DGAT2: variants seen among roughly 807,000 people sequenced by gnomAD.
The protein encoded by DGAT2 is acyl-CoA retinol O-fatty-acyltransferase.
DGAT2 carries 33 observed loss-of-function variants against 48.4 expected under a neutral mutation model. The observed-to-expected ratio is 0.68, with a 90% CI of 0.52 to 0.91. The LOEUF is 0.91. DGAT2 is among the 40% of genes least tolerant of loss of function. The pLI, the probability that DGAT2 is intolerant of heterozygous loss-of-function variation, is 0.00. For missense variants in DGAT2, 446 were observed against 493.7 expected, an observed-to-expected ratio of 0.90 and a Z score of 0.92; for synonymous variants, 191 against 194.1, an observed-to-expected ratio of 0.98 and a Z score of 0.13.
chr11:75,789,324 A>AT (rs1484007290), intron 2 of DGAT2, among the ~76,000 whole-genome samples: 2 of 151,904 alleles, frequency 1.3e-5, no homozygotes, highest in Non-Finnish European at 2.9e-5. Context: ...AATTTTTTAA[A>AT]TTTTTTTGTA....
At chr11:75,772,704 C>T (rs972863021) in intron 1 of DGAT2, among the ~76,000 whole-genome samples, 7 of 152,206 alleles carry the variant, frequency 4.6e-5, no homozygotes, top group Non-Finnish European at 1.0e-4. Flanking sequence ...AGTCCCTTTG[C>T]CGGCCGCGTG....
At chr11:75,769,572 C>A (rs1190998363) in intron 1 of DGAT2, among the ~76,000 whole-genome samples, 1 of 152,132 alleles carries the variant, frequency 6.6e-6, no homozygotes, top group Non-Finnish European at 1.5e-5. Context: ...GCCCACATAG[C>A]AGCAACTCTT....
At chr11:75,784,795 C>G in intron 2 of DGAT2, 49 bp downstream of exon 2, 1 of 1,611,194 alleles carries the variant, frequency 6.2e-7, no homozygotes, top group Non-Finnish European at 8.5e-7. Context: ...GTGTCCACTT[C>G]CCCAAAAGAG....
intron 1 of DGAT2, among the ~76,000 whole-genome samples, chr11:75,774,354 G>T (rs939213239): frequency 6.6e-6 from 1 of 152,226 alleles, no homozygotes; most frequent in Non-Finnish European, 1.5e-5. Context: ...GAGCAAAAGT[G>T]TCATAAGAAC....
chr11:75,785,808 AC>A, intron 2 of DGAT2, among the ~76,000 whole-genome samples: 1 of 152,340 alleles, frequency 6.6e-6, no homozygotes, highest in East Asian at 1.9e-4. Flanking sequence ...TGAGACTGAG[AC>A]CATGTTTGCA....
intron 7 of DGAT2, among the ~76,000 whole-genome samples, chr11:75,800,085 C>T (rs747607191): frequency 6.6e-6 from 1 of 152,162 alleles, no homozygotes; most frequent in Non-Finnish European, 1.5e-5. Flanking sequence ...CTCTCATAGA[C>T]CCTCCTAGCA....
At chr11:75,785,712 G>A (rs1437476318) in intron 2 of DGAT2, among the ~76,000 whole-genome samples, 5 of 152,200 alleles carry the variant, frequency 3.3e-5, no homozygotes, top group Admixed American at 3.3e-4. Flanking sequence ...CCCACTCTTC[G>A]GGACTGTATA....
chr11:75,769,408 A>G (rs1309088185), intron 1 of DGAT2, among the ~76,000 whole-genome samples: 1 of 152,012 alleles, frequency 6.6e-6, no homozygotes, highest in Non-Finnish European at 1.5e-5. Context: ...TTCACCAGGT[A>G]GAGCGAGCTT....
chr11:75,790,283 A>G lies in DGAT2; in HGVS notation c.346A>G (p.Thr116Ala). 1 of 1,613,942 alleles carries G rather than the reference A, an allele frequency of 6.2e-7. No homozygotes were observed. Among genetic ancestry groups the G allele is most frequent in the South Asian group, 1.1e-5 (1 of 91,078 alleles). Residue 116 changes from threonine to alanine, a missense_variant, in exon 3 of 8, where the codon ACA becomes GCA. Transcript: ENST00000228027. ...YFTWLVFDWN[T>A]PKKGGRRSQW... The stretch of plus-strand genomic sequence containing the variant: ...CACTTGGCTGGTGTTTGACTGGAAC[A>G]CACCCAAGAAAGGTAAGTGCAAGGC...
intron 4 of DGAT2, chr11:75,795,527 C>T (rs1945041497): frequency 6.6e-6 from 1 of 152,270 alleles, no homozygotes; most frequent in Non-Finnish European, 1.5e-5. Flanking sequence ...GGAGGTGGGC[C>T]CTGAGGAAGC....
chr11:75,783,751 C>G (rs1944892548), intron 1 of DGAT2, among the ~76,000 whole-genome samples: 2 of 152,168 alleles, frequency 1.3e-5, no homozygotes, highest in African/African-American at 4.8e-5. Flanking sequence ...GTGCTGTCTC[C>G]TGCAGTCACC....
At chr11:75,783,764 G>C (rs1944892631) in intron 1 of DGAT2, among the ~76,000 whole-genome samples, 1 of 152,124 alleles carries the variant, frequency 6.6e-6, no homozygotes. Flanking sequence ...CAGTCACCAG[G>C]CTTCCTGTCC....
intron 1 of DGAT2, among the ~76,000 whole-genome samples, chr11:75,782,008 TG>T (rs1944870505): frequency 6.6e-6 from 1 of 152,150 alleles, no homozygotes. Flanking sequence ...CCAAGCTGCA[TG>T]GGGGCTGGCC....
rs1353059888 is a variant in DGAT2 at position 75,800,784 on chromosome 11, A to T, written c.*276A>T. On this transcript the variant is annotated 3_prime_UTR_variant, in exon 8 of 8. Coordinates refer to ENST00000228027, the MANE Select transcript of DGAT2 (RefSeq NM_032564.5). ...TCTTCCCTTCCTGAAGTGACAAAGG[A>T]AACTCAGTCTTCTTGGGGAAGAAGG... 1 of 377,626 alleles carries T rather than the reference A, an allele frequency of 2.6e-6. No homozygotes were observed. Among genetic ancestry groups the T allele is most frequent in the African/African-American group, 2.1e-5 (1 of 47,240 alleles). 23.4% of individuals were successfully genotyped at this position (377,626 alleles called of 1,614,324 possible).
intron 1 of DGAT2, among the ~76,000 whole-genome samples, chr11:75,782,109 T>C (rs1433784448): frequency 6.6e-6 from 1 of 152,158 alleles, no homozygotes; most frequent in Non-Finnish European, 1.5e-5. Context: ...GGGGCCTGTC[T>C]GCAACGGGAA....
chr11:75,769,170 T>A, intron 1 of DGAT2, 58 bp downstream of exon 1: 1 of 1,504,008 alleles, frequency 6.6e-7, no homozygotes, highest in Non-Finnish European at 8.8e-7. Context: ...GAAAGGGCCC[T>A]GTGGCAGGCT....
intron 1 of DGAT2, among the ~76,000 whole-genome samples, chr11:75,780,451 C>G (rs143799629): frequency 0.02 from 3,071 of 152,302 alleles, 80 homozygotes; most frequent in Admixed American, 0.076. Flanking sequence ...TCACAGACTT[C>G]ACCCTCCTTA....
intron 2 of DGAT2, among the ~76,000 whole-genome samples, chr11:75,788,010 C>A (rs1250858618): frequency 6.6e-6 from 1 of 152,190 alleles, no homozygotes; most frequent in East Asian, 1.9e-4. Context: ...TAGGGTTACC[C>A]CCCTTCCCAG....
intron 1 of DGAT2, among the ~76,000 whole-genome samples, chr11:75,782,553 G>A (rs1449988085): frequency 1.3e-5 from 2 of 152,214 alleles, no homozygotes; most frequent in African/African-American, 4.8e-5. Flanking sequence ...AAGATGACTT[G>A]TCCAGCCCCA....
Sources: gnomAD v4.1 joint callset for allele counts (sites outside exome capture counted in the v4.1 genomes callset) on GRCh38, gnomAD v4.1.1 for gene constraint, MANE v1.5 for transcripts, NCBI Gene and HGNC (gene_info 2026-07-23, HGNC 2026-07-21) for gene names.